The following BAIAP2 variants were observed in gnomAD, a reference collection of about 807,000 sequenced individuals.
BAIAP2 encodes BAR/IMD domain containing adaptor protein 2.
A neutral mutation model predicts 63.0 loss-of-function variants in BAIAP2; 18 were observed. The ratio of observed to expected loss-of-function variants is 0.29; its 90% CI spans 0.20 to 0.42. BAIAP2 has a LOEUF of 0.42. BAIAP2 is among the 10% of genes least tolerant of loss of function. The probability of loss-of-function intolerance (pLI) is 1.00; values close to 1 mark genes in which losing one functional copy is unlikely to be tolerated. For synonymous variants in BAIAP2, 386 were observed against 307.6 expected (o/e 1.25, Z -2.67); for missense variants, 610 against 734.3 (o/e 0.83, Z 1.96).
intron 6 of BAIAP2, chr17:81,098,090 T>TGG: frequency 7.4e-7 from 1 of 1,346,716 alleles, no homozygotes; most frequent in Non-Finnish European, 9.6e-7. Flanking sequence ...GCTGGGGTCA[T>TGG]GGAGGGGCCA....
intron 6 of BAIAP2, chr17:81,086,913 G>A (rs765987478): frequency 8.6e-6 from 2 of 231,308 alleles, no homozygotes; most frequent in Non-Finnish European, 1.7e-5. Context: ...TCCTCTAAGC[G>A]GTCGTGGCCT....
chr17:81,036,456 C>T (rs1036825739), intron 1 of BAIAP2, among the ~76,000 whole-genome samples: 1 of 152,250 alleles, frequency 6.6e-6, no homozygotes, highest in South Asian at 2.1e-4. Flanking sequence ...TGGCCAGGGG[C>T]CTGGGAAGCC....
rs2058909611 is a variant in BAIAP2, at chr17:81,104,701, T to C, written c.1254T>C (p.Ser418=). ...EARDGWHYGE[S]EKTKMRGWFP... is the part of the protein sequence containing the mutation. The stretch of plus-strand genomic sequence containing the variant: ...GCGATGGCTGGCACTACGGAGAGAG[T>C]GAGAAGACCAAGATGTGAGTGTTTC... Residue 418 remains serine (S), a synonymous_variant, in exon 10 of 14, where the codon AGT becomes AGC. Transcript: ENST00000428708. 2 of 1,586,204 alleles carry C rather than the reference T, an allele frequency of 1.3e-6. No individual in the cohort carries two copies. Among genetic ancestry groups the C allele is most frequent in the Non-Finnish European group, 1.7e-6 (2 of 1,166,304 alleles).
Position 81,099,856 on chromosome 17 carries a change from G to T in BAIAP2, c.490-72G>T. 3 of 1,548,446 alleles carry T rather than the reference G, an allele frequency of 1.9e-6. No homozygotes were observed. The South Asian group carries it at 3.5e-5, about 18-fold the overall frequency. The stretch of plus-strand genomic sequence containing the variant: ...GACGTGTCCTTTGACTGAGTCCGTG[G>T]GGCTGCCCCAAACCGGTCCTGACAG... On this transcript the variant is annotated intron_variant, in intron 6 of 13. Transcript: ENST00000428708.
chr17:81,073,841 G>A (rs770938063), intron 3 of BAIAP2, among the ~76,000 whole-genome samples: 3 of 152,190 alleles, frequency 2.0e-5, no homozygotes, highest in Non-Finnish European at 2.9e-5. Flanking sequence ...GATGCCCAGC[G>A]CCCCAGAGGA....
At chr17:81,057,607 A>G in intron 2 of BAIAP2, 1 of 1,177,972 alleles carries the variant, frequency 8.5e-7, no homozygotes, top group East Asian at 4.1e-5. Context: ...GATAGGGATC[A>G]GCTCTCTGCA....
chr17:81,038,691 G>A (rs1255537121), intron 1 of BAIAP2, among the ~76,000 whole-genome samples: 5 of 152,242 alleles, frequency 3.3e-5, no homozygotes, highest in Non-Finnish European at 5.9e-5. Context: ...GGTGGTGGGC[G>A]TCATGTGCTG....
At chr17:81,089,221 TGGG>T (rs1156870768) in intron 6 of BAIAP2, among the ~76,000 whole-genome samples, 1 of 152,238 alleles carries the variant, frequency 6.6e-6, no homozygotes, top group African/African-American at 2.4e-5. Context: ...TGAGGTCTGT[TGGG>T]GGACCATGTT....
intron 2 of BAIAP2, chr17:81,057,574 C>A (rs1015712325): frequency 9.5e-6 from 10 of 1,053,216 alleles, no homozygotes; most frequent in Middle Eastern, 3.9e-4. Flanking sequence ...ACTCCCTCCC[C>A]CCGGCCCTGC....
chr17:81,077,954 A>G (rs1309267440), intron 3 of BAIAP2, among the ~76,000 whole-genome samples: 142 of 107,524 alleles, frequency 1.3e-3, no homozygotes, highest in African/African-American at 1.5e-3. Context: ...CGGGTGCCGT[A>G]TTGGGTGGGA....
At chr17:81,100,584 G>C (rs776629762) in intron 7 of BAIAP2, among the ~76,000 whole-genome samples, 2 of 152,092 alleles carry the variant, frequency 1.3e-5, no homozygotes, top group Non-Finnish European at 2.9e-5. Flanking sequence ...CCAAGCCTGG[G>C]TCCCCAGCCA....
intron 1 of BAIAP2, among the ~76,000 whole-genome samples, chr17:81,042,502 C>A (rs1684540310): frequency 6.6e-6 from 1 of 152,124 alleles, no homozygotes; most frequent in Non-Finnish European, 1.5e-5. Flanking sequence ...GCCTCCTGTT[C>A]CTTCTTCGGA....
intron 13 of BAIAP2, chr17:81,111,056 G>A (rs543303043): frequency 1.6e-5 from 23 of 1,464,412 alleles, no homozygotes; most frequent in Admixed American, 6.8e-5. Flanking sequence ...GGGAGGGCCC[G>A]GCTGCATGGC....
rs1468694528 is a variant in BAIAP2 at position 81,108,494 on chromosome 17, C to A, written c.1520C>A (p.Ala507Glu). Residue 507 changes from alanine (A) to glutamate (E), a missense_variant, in exon 13 of 14, where the codon GCG (alanine) becomes GAG (glutamate). By Grantham distance (107) the Ala-to-Glu change is moderately radical (BLOSUM62 -1). Transcript: ENST00000428708. ...AFSQGLDDYG[A>E]RSMSRNPFAH... ...CCCCAGGGCCTGGATGACTATGGAG[C>A]GCGGTCCATGAGCAGGTAAGGGGAC... is the stretch of plus-strand genomic sequence containing the variant. The A allele has an allele frequency of 1.2e-6, 2 of 1,613,732 alleles. No individual in the cohort carries two copies. Among genetic ancestry groups the A allele is most frequent in the Non-Finnish European group, 1.7e-6 (2 of 1,180,022 alleles).
intron 3 of BAIAP2, among the ~76,000 whole-genome samples, chr17:81,080,650 A>G (rs541199936): frequency 1.6e-4 from 25 of 152,250 alleles, no homozygotes; most frequent in African/African-American, 5.8e-4. Context: ...TCTTGACTCC[A>G]TTGTGTGTAG....
chr17:81,087,229 C>T (rs1451947775), intron 6 of BAIAP2, among the ~76,000 whole-genome samples: 2 of 152,218 alleles, frequency 1.3e-5, no homozygotes, highest in African/African-American at 2.4e-5. Flanking sequence ...TCAGGAAAAC[C>T]CCTGGCCAGT....
chr17:81,071,365 C>T (rs565012352), intron 3 of BAIAP2, among the ~76,000 whole-genome samples: 2 of 152,172 alleles, frequency 1.3e-5, no homozygotes, highest in East Asian at 1.9e-4. Flanking sequence ...GTGATGAGGG[C>T]GCTCTGTTCG....
intron 5 of BAIAP2, 145 bp from the exon 6 acceptor site, chr17:81,086,298 C>A: frequency 9.7e-7 from 1 of 1,026,358 alleles, no homozygotes; most frequent in Non-Finnish European, 1.5e-6. Flanking sequence ...GCATGCACGG[C>A]CAGAGAGCGA....
At chr17:81,060,210 C>T (rs896140726) in intron 3 of BAIAP2, among the ~76,000 whole-genome samples, 1 of 152,154 alleles carries the variant, frequency 6.6e-6, no homozygotes, top group African/African-American at 2.4e-5. Flanking sequence ...TACAGTTACC[C>T]CATTAGAGTG....
Sources: allele counts gnomAD v4.1 joint callset (sites outside exome capture counted in the v4.1 genomes callset), GRCh38; gene constraint gnomAD v4.1.1; transcripts MANE v1.5; gene names NCBI Gene and HGNC (gene_info 2026-07-23, HGNC 2026-07-21).